The following WNT8B variants were observed in gnomAD, a reference collection of about 807,000 sequenced individuals.
WNT8B encodes protein Wnt-8b.
A neutral mutation model predicts 36.6 loss-of-function variants in WNT8B; 24 were observed. That is an observed-to-expected ratio of 0.66 (90% CI 0.48 to 0.92). The LOEUF is 0.92. Among genes scored for constraint, WNT8B ranks in the 40% least tolerant of loss-of-function variants. The pLI is 0.00. For missense variants in WNT8B, 402 were observed against 470.8 expected (o/e 0.85, Z 1.35); for synonymous variants, 199 against 189.8 (o/e 1.05, Z -0.40).
At chr10:100,475,931 G>GCTA (rs563279876) in intron 1 of WNT8B, among the ~76,000 whole-genome samples, 9 of 152,158 alleles carry the variant, frequency 5.9e-5, no homozygotes, top group Non-Finnish European at 1.3e-4. Context: ...TTTTGCTGGT[G>GCTA]CTACTACACC....
rs536006215 is a variant in WNT8B, at chr10:100,472,211, C to T, written c.69-6841C>T. Among the ~76,000 whole-genome samples, 4 of 151,352 alleles carry T rather than the reference C, an allele frequency of 2.6e-5. No homozygotes were observed. In the South Asian group the frequency reaches 6.3e-4, roughly 24 times the overall value. ...CTGCAAGCTCCGCCTCCTGGGTTCA[C>T]GCCATTCTCCTGCCTCAGCCTCCCA... On this transcript the variant is annotated intron_variant, in intron 1 of 5. Transcript: ENST00000343737.
chr10:100,480,494 A>C (rs1851096227), intron 3 of WNT8B, among the ~76,000 whole-genome samples: 1 of 152,162 alleles, frequency 6.6e-6, no homozygotes, highest in Non-Finnish European at 1.5e-5. Context: ...TGACTCTTAG[A>C]CCCTAAGTGT....
At chr10:100,479,556 G>A (rs1359375620) in intron 2 of WNT8B, among the ~76,000 whole-genome samples, 1 of 152,188 alleles carries the variant, frequency 6.6e-6, no homozygotes, top group East Asian at 1.9e-4. Flanking sequence ...AGACAGGATA[G>A]TATAGTGAAG....
In WNT8B at chr10:100,464,669, CAAAAAGA is replaced by C. The variant is rs541451603; in HGVS notation, c.68+1440_68+1446del. Among the ~76,000 whole-genome samples, 553 of 151,750 alleles carry C rather than the reference CAAAAAGA, an allele frequency of 3.6e-3. 1 individual carries two copies. Among genetic ancestry groups the C allele is most frequent in the South Asian group, 1.0e-2 (48 of 4,804 alleles). ...CTGTCCAAATTCAAGTGTCTGGATT[CAAAAAGA>C]AAAAAGGAAAAAGAGATGTGAAAGA... On this transcript the variant is annotated intron_variant, in intron 1 of 5. Transcript: ENST00000343737.
intron 4 of WNT8B, 136 bp from the exon 5 acceptor site, chr10:100,481,776 T>C: frequency 8.0e-7 from 1 of 1,257,310 alleles, no homozygotes; most frequent in Non-Finnish European, 1.1e-6. Context: ...GCAACTGATC[T>C]GGATACAGGG....
chr10:100,477,834 T>C (rs562835379), intron 1 of WNT8B, among the ~76,000 whole-genome samples: 6 of 152,018 alleles, frequency 3.9e-5, no homozygotes, highest in African/African-American at 1.4e-4. Context: ...TGGAGTGCAG[T>C]GGTGCAATCT....
At chr10:100,464,901 T>C (rs1162491506) in intron 1 of WNT8B, among the ~76,000 whole-genome samples, 4 of 152,234 alleles carry the variant, frequency 2.6e-5, no homozygotes, top group African/African-American at 9.6e-5. Context: ...AATTTAACAT[T>C]AAACGTTGAT....
At chr10:100,476,935 T>G (rs1822223474) in intron 1 of WNT8B, among the ~76,000 whole-genome samples, 1 of 152,232 alleles carries the variant, frequency 6.6e-6, no homozygotes, top group African/African-American at 2.4e-5. Flanking sequence ...CATGTACTCA[T>G]GTATGTGGCT....
Position 100,479,045 on chromosome 10 carries a change from C to A in WNT8B, c.69-7C>A, listed in dbSNP as rs774937629. On this transcript the variant is annotated splice_polypyrimidine_tract_variant and splice_region_variant and intron_variant, in intron 1 of 5. Transcript: ENST00000343737. The stretch of plus-strand genomic sequence containing the variant: ...TATTCTGTTTTTGTTTTTTTTTTCC[C>A]TTATAGGTCGGTGAACAATTTCCTG... 2.5e-6 allele frequency: 4 copies of A among 1,588,896 alleles called. No homozygotes were observed. The African/African-American group carries it at 5.5e-5, about 22-fold the overall frequency.
chr10:100,476,192 C>T (rs1340287551), intron 1 of WNT8B, among the ~76,000 whole-genome samples: 3 of 151,886 alleles, frequency 2.0e-5, no homozygotes, highest in African/African-American at 7.3e-5. Context: ...GCCTGTAGTC[C>T]CAGCTACTCG....
Position 100,463,189 on chromosome 10 carries a change from T to C in WNT8B, c.21T>C (p.Ser7=). 1 of 1,614,050 alleles carries C rather than the reference T, an allele frequency of 6.2e-7. No individual in the cohort carries two copies. The highest frequency in any genetic ancestry group is 8.5e-7 in the Non-Finnish European group (1 of 1,179,954). ...GGATTATGTTTCTTTCAAAGCCTTC[T>C]GTGTACATCTGTCTTTTCACCTGTG... The part of the protein sequence containing the change: MFLSKP[S]VYICLFTCVL... Residue 7 remains serine, a synonymous_variant, in exon 1 of 6, where the codon TCT becomes TCC. Transcript: ENST00000343737.
chr10:100,478,961 T>A, intron 1 of WNT8B, 91 bp from the exon 2 acceptor site: 4 of 1,086,920 alleles, frequency 3.7e-6, no homozygotes, highest in Non-Finnish European at 5.3e-6. Context: ...ATTAATGACA[T>A]GTGCTGAAGT....
intron 4 of WNT8B, 83 bp from the exon 5 acceptor site, chr10:100,481,829 C>A: frequency 1.9e-6 from 3 of 1,555,234 alleles, no homozygotes; most frequent in Non-Finnish European, 1.7e-6. Flanking sequence ...GACCCCCCCA[C>A]CCCCAACCCA....
At chr10:100,481,810 C>A in intron 4 of WNT8B, 102 bp from the exon 5 acceptor site, 1 of 1,498,562 alleles carries the variant, frequency 6.7e-7, no homozygotes, top group Non-Finnish European at 9.0e-7. Flanking sequence ...TTAATCCTCT[C>A]CTATCCTGGA....
Position 100,482,169 on chromosome 10 carries a change from G to C in WNT8B, c.511-102G>C, listed in dbSNP as rs1851121710. ...ATTGGCAAAATGAGGTACCAAGTGG[G>C]CTGGCCCAGTAGACTAACTAGACTT... is the stretch of plus-strand genomic sequence containing the variant. On this transcript the variant is annotated intron_variant, in intron 5 of 5. Transcript: ENST00000343737. This position sits in a 1 kb window ranked among gnomAD's most constrained non-coding sequence, Gnocchi z 6.6. 1 of 1,551,598 alleles carries C rather than the reference G, an allele frequency of 6.4e-7. No individual in the cohort carries two copies. The highest frequency in any genetic ancestry group is 8.7e-7 in the Non-Finnish European group (1 of 1,150,746).
At chr10:100,468,951 A>T (rs912054486) in intron 1 of WNT8B, among the ~76,000 whole-genome samples, 28 of 152,222 alleles carry the variant, frequency 1.8e-4, no homozygotes, top group Admixed American at 1.0e-3. Context: ...ACTTTAAAAA[A>T]TTTTTTTTGT....
At chr10:100,469,084 A>G (rs1433599446) in intron 1 of WNT8B, among the ~76,000 whole-genome samples, 1 of 152,178 alleles carries the variant, frequency 6.6e-6, no homozygotes, top group African/African-American at 2.4e-5. Context: ...CCCTTTGAAG[A>G]AAGAAATGGA....
chr10:100,476,498 C>T (rs1851039561), intron 1 of WNT8B, among the ~76,000 whole-genome samples: 1 of 152,130 alleles, frequency 6.6e-6, no homozygotes, highest in Admixed American at 6.5e-5. Flanking sequence ...GCTCTTTTGG[C>T]CTGACAAGAA....
intron 1 of WNT8B, among the ~76,000 whole-genome samples, chr10:100,464,543 A>G (rs1850890483): frequency 6.6e-6 from 1 of 152,156 alleles, no homozygotes; most frequent in Non-Finnish European, 1.5e-5. Context: ...TGTTCTATAA[A>G]AAATACCTTT....
Sources: gnomAD v4.1 joint callset for allele counts (sites outside exome capture counted in the v4.1 genomes callset) on GRCh38, gnomAD v4.1.1 for gene constraint, Gnocchi (gnomAD v3.1) non-coding constraint, MANE v1.5 for transcripts, NCBI Gene and HGNC (gene_info 2026-07-23, HGNC 2026-07-21) for gene names.